COL20A1: variants seen among roughly 807,000 people sequenced by gnomAD.
The protein encoded by COL20A1 is collagen type XX alpha 1 chain.
COL20A1 carries 164 observed loss-of-function variants against 152.9 expected under a neutral mutation model. That is an observed-to-expected ratio of 1.07 (90% CI 0.94 to 1.22). COL20A1 has a LOEUF of 1.22. COL20A1 is among the 50% of genes most tolerant of loss of function. The probability of loss-of-function intolerance (pLI) is 0.00; values close to 1 mark genes in which losing one functional copy is unlikely to be tolerated. For synonymous variants in COL20A1, 864 were observed against 756.0 expected, an observed-to-expected ratio of 1.14 and a Z score of -2.34; for missense variants, 1,873 against 1,744.8, an observed-to-expected ratio of 1.07 and a Z score of -1.31.
intron 19 of COL20A1, 78 bp from the exon 20 acceptor site, chr20:63,315,326 T>C (rs2068070068): frequency 9.6e-6 from 13 of 1,359,796 alleles, no homozygotes; most frequent in African/African-American, 2.9e-5. Flanking sequence ...GTCCATGAAG[T>C]GGCCCCTCCC....
At chr20:63,317,231 C>T (rs569739864) in intron 21 of COL20A1, among the ~76,000 whole-genome samples, 1 of 152,194 alleles carries the variant, frequency 6.6e-6, no homozygotes, top group South Asian at 2.1e-4. Context: ...CCTGCAGTCC[C>T]AGCTACTGGG....
In COL20A1 at chr20:63,328,911, C is replaced by G. The variant is rs541810866; in HGVS notation, c.3781+413C>G. Among the ~76,000 whole-genome samples the G allele has an allele frequency of 1.1e-3, 165 of 151,606 alleles. 3 individuals carry two copies. Among genetic ancestry groups the G allele is most frequent in the Non-Finnish European group, 1.5e-3 (101 of 67,940 alleles). On this transcript the variant is annotated intron_variant, in intron 34 of 35. Transcript: ENST00000358894. ...CGCCTCTCCCCACCCAGCGCACAGT[C>G]GCAGGCTCCCGTGACCTTGTTGGTG...
At chr20:63,297,231 C>T (rs995458111) in intron 2 of COL20A1, among the ~76,000 whole-genome samples, 2 of 152,084 alleles carry the variant, frequency 1.3e-5, no homozygotes, top group African/African-American at 4.8e-5. Context: ...GTCCTGGGGA[C>T]CCAGCCCAGG....
At chr20:63,316,754 G>C in intron 21 of COL20A1, 63 bp downstream of exon 21, 3 of 1,308,378 alleles carry the variant, frequency 2.3e-6, no homozygotes, top group Non-Finnish European at 3.1e-6. Context: ...AGATTAGGAG[G>C]ACATGGTGGG....
Position 63,319,997 on chromosome 20 carries a change from G to GC in COL20A1, c.2917-38dup, listed in dbSNP as rs1384003492. The GC allele has an allele frequency of 7.1e-5, 110 of 1,543,374 alleles. No homozygotes were observed. Among genetic ancestry groups the GC allele is most frequent in the Non-Finnish European group, 8.8e-5 (101 of 1,144,222 alleles). On this transcript the variant is annotated intron_variant, in intron 23 of 35. Coordinates refer to ENST00000358894, the MANE Select transcript of COL20A1 (RefSeq NM_020882.4). The surrounding 1 kb of genome is among the most constrained non-coding windows in gnomAD (Gnocchi z 4.4). ...GCCTTGGGGGCTCAGGTGGGCACCG[G>GC]CCCCGCCTGGGCTGTGGAGAACCTC...
intron 10 of COL20A1, among the ~76,000 whole-genome samples, chr20:63,310,119 G>C (rs1206546227): frequency 6.6e-6 from 1 of 152,168 alleles, no homozygotes; most frequent in Non-Finnish European, 1.5e-5. Context: ...AGTGGCCGAG[G>C]AGGGCAGAGC....
At chr20:63,308,155 T>C in intron 7 of COL20A1, 65 bp downstream of exon 7, 1 of 1,581,808 alleles carries the variant, frequency 6.3e-7, no homozygotes, top group Non-Finnish European at 8.6e-7. Flanking sequence ...CCCTCCCAGA[T>C]CCCGAAAGCT....
chr20:63,295,298 G>A, intron 2 of COL20A1, 109 bp downstream of exon 2: 1 of 692,686 alleles, frequency 1.4e-6, no homozygotes, highest in Non-Finnish European at 2.5e-6. Flanking sequence ...CTCCTAAGTT[G>A]AATGCGTGCT....
intron 15 of COL20A1, 51 bp downstream of exon 15, chr20:63,312,600 T>C (rs1601421321): frequency 6.5e-7 from 1 of 1,527,416 alleles, no homozygotes; most frequent in Non-Finnish European, 8.8e-7. Flanking sequence ...TCTGTGTCCT[T>C]CTGCCCTGCT....
In COL20A1 at chr20:63,306,792, G is replaced by A. The variant is rs947698131; in HGVS notation, c.497-698G>A. Reference sequence around the variant, plus strand: ...TCAGAAGCAGGATTCTACCTCCCCCGTCAGACTTGGAACTGAAGGAAGTGT... The same window carrying A: ...TCAGAAGCAGGATTCTACCTCCCCCATCAGACTTGGAACTGAAGGAAGTGT... On this transcript the variant is annotated intron_variant, in intron 5 of 35. Transcript: ENST00000358894. This position sits in a 1 kb window ranked among gnomAD's most constrained non-coding sequence, Gnocchi z 6.9. 3.9e-5 allele frequency among the ~76,000 whole-genome samples: 6 copies of A among 152,216 alleles called. No individual in the cohort carries two copies. The highest frequency in any genetic ancestry group is 1.4e-4 in the African/African-American group (6 of 41,448).
chr20:63,319,581 C>T lies in COL20A1; in HGVS notation c.2901C>T (p.Phe967=), dbSNP rs764109544. 1.6e-5 allele frequency: 25 copies of T among 1,581,420 alleles called. No individual in the cohort carries two copies. Among genetic ancestry groups the T allele is most frequent in the South Asian group, 3.5e-5 (3 of 86,150 alleles). ...FDPQEVRKIF[F]GSFHKVHVAV... is the part of the protein sequence containing the mutation. ...CGCAGGAAGTGAGGAAGATTTTCTTCGGGAGCTTCCACAAGGTCCTGGTGC... is the reference window on the plus strand; with the variant it reads ...CGCAGGAAGTGAGGAAGATTTTCTTTGGGAGCTTCCACAAGGTCCTGGTGC... The change falls in exon 23 of 36, where the codon TTC becomes TTT. Residue 967 remains phenylalanine (F), a synonymous_variant. Transcript: ENST00000358894. This position sits in a 1 kb window ranked among gnomAD's most constrained non-coding sequence, Gnocchi z 4.4.
intron 3 of COL20A1, among the ~76,000 whole-genome samples, chr20:63,301,035 C>T (rs569476740): frequency 6.6e-6 from 1 of 152,328 alleles, no homozygotes; most frequent in Non-Finnish European, 1.5e-5. Flanking sequence ...ACCTTGCTGG[C>T]CGGGCGTGGT....
chr20:63,313,120 T>A lies in COL20A1; in HGVS notation c.2080T>A (p.Ser694Thr). 1 of 1,607,944 alleles carries A rather than the reference T, an allele frequency of 6.2e-7. No individual in the cohort carries two copies. The highest frequency in any genetic ancestry group is 8.5e-7 in the Non-Finnish European group (1 of 1,177,848). The change falls in exon 17 of 36, where the codon TCT (serine) becomes ACT (threonine). Residue 694 changes from serine (S) to threonine (T), a missense_variant. Ser to Thr is a moderately conservative substitution (Grantham distance 58, BLOSUM62 1). Coordinates refer to ENST00000358894, the MANE Select transcript of COL20A1 (RefSeq NM_020882.4). The surrounding 1 kb of genome is among the most constrained non-coding windows in gnomAD (Gnocchi z 5.9). ...PLGEGKAHEISVPGNLGTAVL... is the reference protein window; with the variant it reads ...PLGEGKAHEITVPGNLGTAVL... ...CCTGGGGCTCTCCTCTCCCTAGATC[T>A]CTGTCCCAGGGAACCTCGGCACGGC...
chr20:63,328,508 T>A lies in COL20A1; in HGVS notation c.3781+10T>A. The A allele has an allele frequency of 6.2e-7, 1 of 1,601,472 alleles. No individual in the cohort carries two copies. The highest frequency in any genetic ancestry group is 8.5e-7 in the Non-Finnish European group (1 of 1,172,984). ...CACCTTGAGGGCAGAGGTACTGGGC[T>A]CCTGGCTCTTGGGGAGGGAGTTGTG... On this transcript the variant is annotated intron_variant, in intron 34 of 35. Coordinates refer to ENST00000358894, the MANE Select transcript of COL20A1 (RefSeq NM_020882.4).
chr20:63,330,560 G>GCCCTGC (rs1450693719), intron 35 of COL20A1, among the ~76,000 whole-genome samples, 160 bp from the exon 36 acceptor site: 1 of 152,148 alleles, frequency 6.6e-6, no homozygotes, highest in Admixed American at 6.5e-5. Context: ...CCCACTTACG[G>GCCCTGC]CCCTGCCCAT....
chr20:63,308,019 C>T lies in COL20A1; in HGVS notation c.704C>T (p.Ser235Phe), dbSNP rs766699104. Residue 235 changes from serine (S) to phenylalanine (F), a missense_variant, in exon 7 of 36, where the codon TCC becomes TTC. Physicochemically the swap from Ser to Phe is radical, Grantham distance 155. Transcript: ENST00000358894. ...GCTCAGACTGAGTGGGACCTGAACTCCCTCAGCACCAAGGAACAGGTGCTG... is the reference window on the plus strand; with the variant it reads ...GCTCAGACTGAGTGGGACCTGAACTTCCTCAGCACCAAGGAACAGGTGCTG... The part of the protein sequence containing the change: ...GDAQTEWDLN[S>F]LSTKEQVLAA... 2 of 1,612,622 alleles carry T rather than the reference C, an allele frequency of 1.2e-6. No homozygotes were observed. The highest frequency in any genetic ancestry group is 3.3e-5 in the Admixed American group (2 of 60,002).
Position 63,305,446 on chromosome 20 carries a change from A to C in COL20A1, c.223A>C (p.Thr75Pro), listed in dbSNP as rs1452630875. 1 of 1,593,640 alleles carries C rather than the reference A, an allele frequency of 6.3e-7. No individual in the cohort carries two copies. Among genetic ancestry groups the C allele is most frequent in the Admixed American group, 1.8e-5 (1 of 56,364 alleles). ...GDSEQEVILT[T>P]KTPKATVGGL... ...CTCGGAACAGGAGGTGATACTGACC[A>C]CCAAGACCCCTAAGGCCACAGTGGG... Residue 75 changes from threonine to proline, a missense_variant, in exon 4 of 36, where the codon ACC becomes CCC. Transcript: ENST00000358894. The surrounding 1 kb of genome is among the most constrained non-coding windows in gnomAD (Gnocchi z 4.9).
rs564790174 is a variant in COL20A1, at chr20:63,316,635, C to T, written c.2607C>T (p.Phe869=). Residue 869 remains phenylalanine, a synonymous_variant, in exon 21 of 36, where the codon TTC becomes TTT. Coordinates refer to ENST00000358894, the MANE Select transcript of COL20A1 (RefSeq NM_020882.4). ...GCGTGGCCATGGAGCCCTCTGCCTT[C>T]GGTGGGACCCCGACCTTCACGCTCT... The part of the protein sequence containing the change: ...IRGVAMEPSA[F]GGTPTFTLFK... The T allele has an allele frequency of 3.8e-6, 6 of 1,578,578 alleles. No individual in the cohort carries two copies. The highest frequency in any genetic ancestry group is 2.3e-5 in the East Asian group (1 of 43,122).
chr20:63,313,149 C>T lies in COL20A1; in HGVS notation c.2109C>T (p.Val703=), dbSNP rs1313625471. The T allele has an allele frequency of 6.2e-7, 1 of 1,611,756 alleles. No individual in the cohort carries two copies. Among genetic ancestry groups the T allele is most frequent in the Non-Finnish European group, 8.5e-7 (1 of 1,179,562 alleles). Residue 703 remains valine, a synonymous_variant, in exon 17 of 36, where the codon GTC becomes GTT. Coordinates refer to ENST00000358894, the MANE Select transcript of COL20A1 (RefSeq NM_020882.4). The surrounding 1 kb of genome is among the most constrained non-coding windows in gnomAD (Gnocchi z 5.9). ...TCCCAGGGAACCTCGGCACGGCCGT[C>T]CTGCCTGGCCTAGGGAGGCACACAG... ...ISVPGNLGTA[V]LPGLGRHTEY...
Sources: allele counts gnomAD v4.1 joint callset (sites outside exome capture counted in the v4.1 genomes callset), GRCh38; gene constraint gnomAD v4.1.1; non-coding constraint Gnocchi (gnomAD v3.1); transcripts MANE v1.5; gene names NCBI Gene and HGNC (gene_info 2026-07-23, HGNC 2026-07-21).